Variants in ZSWIM6 observed in about 807,000 individuals in gnomAD.
The protein encoded by ZSWIM6 is zinc finger SWIM-type containing 6.
Under a neutral mutation model 113.2 loss-of-function variants are expected in ZSWIM6, and 9 were observed. That is an observed-to-expected ratio of 0.08 (90% CI 0.05 to 0.14). The LOEUF is 0.14. Among genes scored for constraint, ZSWIM6 ranks in the 10% least tolerant of loss-of-function variants. ZSWIM6 has a pLI of 1.00. For synonymous variants in ZSWIM6, 611 were observed against 606.5 expected (o/e 1.01, Z -0.11); for missense variants, 1,162 against 1,552.2 (o/e 0.75, Z 4.22).
In ZSWIM6 at chr5:61,385,462, C is replaced by G. The variant is rs530820197; in HGVS notation, c.676+52514C>G. On this transcript the variant is annotated intron_variant, in intron 1 of 13. Transcript: ENST00000252744. The stretch of plus-strand genomic sequence containing the variant: ...GGCATCCGATTTGACAGAAAGAACA[C>G]TTAATTTGTAGTTAGACCTGAGTTT... Among the ~76,000 whole-genome samples, 136 of 152,286 alleles carry G rather than the reference C, an allele frequency of 8.9e-4. 5 individuals are homozygous for G. The South Asian group carries it at 0.028, about 31-fold the overall frequency.
intron 1 of ZSWIM6, among the ~76,000 whole-genome samples, chr5:61,338,294 AAAT>A (rs1744448740): frequency 1.3e-5 from 2 of 152,258 alleles, no homozygotes; most frequent in South Asian, 4.2e-4. Context: ...AGAGATCACT[AAAT>A]AAAGACGATT....
intron 1 of ZSWIM6, among the ~76,000 whole-genome samples, chr5:61,371,760 A>G (rs1170875636): frequency 6.6e-6 from 1 of 152,216 alleles, no homozygotes; most frequent in African/African-American, 2.4e-5. Flanking sequence ...GTAAATAACT[A>G]AGCTATTCAT....
chr5:61,348,442 A>G (rs1744712905), intron 1 of ZSWIM6, among the ~76,000 whole-genome samples: 1 of 152,156 alleles, frequency 6.6e-6, no homozygotes, highest in African/African-American at 2.4e-5. Context: ...ATTCTTGTAT[A>G]AAAACTTTTC....
At chr5:61,476,983 A>G (rs1201536313) in intron 2 of ZSWIM6, among the ~76,000 whole-genome samples, 1 of 152,230 alleles carries the variant, frequency 6.6e-6, no homozygotes, top group Non-Finnish European at 1.5e-5. Flanking sequence ...TTATAAAAAA[A>G]GATAACTGAC....
At chr5:61,500,204 A>T (rs910333326) in intron 4 of ZSWIM6, among the ~76,000 whole-genome samples, 82 of 151,678 alleles carry the variant, frequency 5.4e-4, no homozygotes, top group African/African-American at 1.9e-3. Flanking sequence ...ACGGCTCACC[A>T]CAATCTCTGC....
intron 1 of ZSWIM6, chr5:61,390,868 C>A (rs1745692695): frequency 5.7e-6 from 5 of 880,122 alleles, no homozygotes; most frequent in Non-Finnish European, 9.6e-6. Context: ...TTGGTGTCCA[C>A]CACACAGTCT....
intron 1 of ZSWIM6, among the ~76,000 whole-genome samples, chr5:61,453,775 GGA>G (rs1357720276): frequency 6.6e-6 from 1 of 151,668 alleles, no homozygotes; most frequent in Non-Finnish European, 1.5e-5. Flanking sequence ...CACACTGGGA[GGA>G]GAGATTAAAC....
At chr5:61,396,097 T>C (rs908961360) in intron 1 of ZSWIM6, among the ~76,000 whole-genome samples, 1 of 152,180 alleles carries the variant, frequency 6.6e-6, no homozygotes, top group African/African-American at 2.4e-5. Context: ...ACCAGAAGGC[T>C]GGGTTTAGCT....
chr5:61,489,880 G>T (rs78410062), intron 2 of ZSWIM6, among the ~76,000 whole-genome samples: 20,641 of 152,002 alleles, frequency 0.14, 1,535 homozygotes, highest in Non-Finnish European at 0.17. Flanking sequence ...GCAGATGTTA[G>T]TGATTATTTC....
intron 1 of ZSWIM6, among the ~76,000 whole-genome samples, chr5:61,352,182 T>C (rs1223857883): frequency 2.0e-5 from 3 of 152,218 alleles, no homozygotes; most frequent in African/African-American, 7.2e-5. Flanking sequence ...TCTTCTGTGC[T>C]TGGTTCATGC....
At chr5:61,506,609 G>A (rs1009645880) in intron 4 of ZSWIM6, among the ~76,000 whole-genome samples, 3 of 151,948 alleles carry the variant, frequency 2.0e-5, no homozygotes, top group Non-Finnish European at 2.9e-5. Context: ...TTCCAAACAT[G>A]GGATGACTGA....
intron 1 of ZSWIM6, among the ~76,000 whole-genome samples, chr5:61,389,020 A>G (rs72761438): frequency 0.018 from 2,672 of 152,286 alleles, 44 homozygotes; most frequent in Non-Finnish European, 0.029. Flanking sequence ...ACCGGGACAC[A>G]TACCTGCAAA....
chr5:61,421,534 T>C (rs184493518), intron 1 of ZSWIM6, among the ~76,000 whole-genome samples: 2 of 152,316 alleles, frequency 1.3e-5, no homozygotes, highest in East Asian at 1.9e-4. Flanking sequence ...ATTTGTTACA[T>C]AGGTAAACTC....
chr5:61,539,879 C>A, intron 12 of ZSWIM6, 120 bp downstream of exon 12: 1 of 978,602 alleles, frequency 1.0e-6, no homozygotes, highest in Non-Finnish European at 1.5e-6. Flanking sequence ...GAGTACAAAT[C>A]TGTTAGACTT....
At chr5:61,458,702 AC>A (rs1747261782) in intron 1 of ZSWIM6, among the ~76,000 whole-genome samples, 2 of 151,828 alleles carry the variant, frequency 1.3e-5, no homozygotes, top group Middle Eastern at 6.8e-3. Flanking sequence ...ACATGGAGAA[AC>A]CCCGTCTCTA....
At chr5:61,521,535 T>G in intron 5 of ZSWIM6, 93 bp downstream of exon 5, 1 of 1,081,194 alleles carries the variant, frequency 9.2e-7, no homozygotes, top group Non-Finnish European at 1.2e-6. Flanking sequence ...GGGAAAATGA[T>G]TTTACCAACT....
intron 1 of ZSWIM6, among the ~76,000 whole-genome samples, chr5:61,420,584 CG>C (rs1430178011): frequency 6.6e-6 from 1 of 151,840 alleles, no homozygotes; most frequent in Admixed American, 6.6e-5. Context: ...CAGAGGCTGC[CG>C]GGGAGTGGTG....
At chr5:61,399,098 T>C (rs1015373834) in intron 1 of ZSWIM6, among the ~76,000 whole-genome samples, 8 of 151,424 alleles carry the variant, frequency 5.3e-5, no homozygotes, top group African/African-American at 1.7e-4. Flanking sequence ...AATTCTTGTA[T>C]TTTTTTAGTA....
At chr5:61,460,744 A>G (rs909291138) in intron 1 of ZSWIM6, among the ~76,000 whole-genome samples, 25 of 152,166 alleles carry the variant, frequency 1.6e-4, no homozygotes, top group African/African-American at 5.8e-4. Flanking sequence ...GTTGTTGAGT[A>G]TCATAATATA....
Sources: allele counts gnomAD v4.1 joint callset (sites outside exome capture counted in the v4.1 genomes callset), GRCh38; gene constraint gnomAD v4.1.1; transcripts MANE v1.5; gene names NCBI Gene and HGNC (gene_info 2026-07-23, HGNC 2026-07-21).